MBOAT2: variants seen among roughly 807,000 people sequenced by gnomAD.
MBOAT2 encodes membrane bound glycerophospholipid O-acyltransferase 2.
A neutral mutation model predicts 63.4 loss-of-function variants in MBOAT2; 28 were observed. The observed-to-expected ratio is 0.44, with a 90% CI of 0.33 to 0.61. The LOEUF is 0.61. Among genes scored for constraint, MBOAT2 ranks in the 20% least tolerant of loss-of-function variants. The pLI is 0.03. For missense variants in MBOAT2, 470 were observed against 605.8 expected, an observed-to-expected ratio of 0.78 and a Z score of 2.35; for synonymous variants, 211 against 215.6, an observed-to-expected ratio of 0.98 and a Z score of 0.19.
chr2:8,858,590 T>C lies in MBOAT2; in HGVS notation c.*89A>G. ...GTCCATTTCCCCCCAGTTAACTGCTTTTCCAACAAACTCAAACCCCTTGAA... is the reference window on the plus strand; with the variant it reads ...GTCCATTTCCCCCCAGTTAACTGCTCTTCCAACAAACTCAAACCCCTTGAA... On this transcript the variant is annotated 3_prime_UTR_variant, in exon 13 of 13. Coordinates refer to ENST00000305997, the MANE Select transcript of MBOAT2 (RefSeq NM_138799.4). 1.0e-6 allele frequency: 1 copy of C among 985,612 alleles called. No homozygotes were observed. The highest frequency in any genetic ancestry group is 1.5e-6 in the Non-Finnish European group (1 of 663,810). The allele number at this position is 985,612 out of a possible 1,614,324, so 61.1% of individuals were successfully genotyped here. A position where few individuals can be genotyped will look rare whatever the true frequency, so the allele number is the denominator to read the frequency against.
intron 2 of MBOAT2, among the ~76,000 whole-genome samples, chr2:8,948,728 C>G (rs1335936893): frequency 6.6e-6 from 1 of 152,160 alleles, no homozygotes; most frequent in Non-Finnish European, 1.5e-5. Flanking sequence ...ACATTTTCTT[C>G]ATCCAGTCCA....
At chr2:8,936,786 C>CAAAAA (rs745694357) in intron 3 of MBOAT2, among the ~76,000 whole-genome samples, 128 of 50,832 alleles carry the variant, frequency 2.5e-3, no homozygotes, top group African/African-American at 5.0e-3. Flanking sequence ...GACTCCGTCT[C>CAAAAA]AAAAAAAAAA....
chr2:8,918,576 T>C (rs1029672053), intron 3 of MBOAT2, among the ~76,000 whole-genome samples: 3 of 152,164 alleles, frequency 2.0e-5, no homozygotes, highest in Non-Finnish European at 4.4e-5. Context: ...AAAGGCAGTA[T>C]CTATGGTGCA....
intron 2 of MBOAT2, among the ~76,000 whole-genome samples, chr2:8,955,561 C>T (rs754998589): frequency 2.0e-5 from 3 of 152,196 alleles, no homozygotes; most frequent in Non-Finnish European, 4.4e-5. Context: ...TCTTTATGTA[C>T]TATCGTGCTA....
rs372139585 is a variant in MBOAT2 at position 8,864,611 on chromosome 2, T to A, written c.988-377A>T. Among the ~76,000 whole-genome samples, 249 of 152,104 alleles carry A rather than the reference T, an allele frequency of 1.6e-3. 1 individual carries two copies. The highest frequency in any genetic ancestry group is 5.7e-3 in the African/African-American group (236 of 41,484). Reference sequence around the variant, plus strand: ...ACCTCCTTCCCGCCAAGCTCCGCCATGGTCCTGGGTGAAGCAGACATCCAC... The same window carrying A: ...ACCTCCTTCCCGCCAAGCTCCGCCAAGGTCCTGGGTGAAGCAGACATCCAC... On this transcript the variant is annotated intron_variant, in intron 9 of 12. Transcript: ENST00000305997.
chr2:8,864,393 C>A (rs558139162), intron 9 of MBOAT2, among the ~76,000 whole-genome samples, 159 bp from the exon 10 acceptor site: 1 of 151,972 alleles, frequency 6.6e-6, no homozygotes, highest in South Asian at 2.1e-4. Flanking sequence ...AATGTGGTAA[C>A]ATCATTCTAC....
chr2:8,900,062 G>A (rs1023930995), intron 4 of MBOAT2, among the ~76,000 whole-genome samples: 1 of 152,198 alleles, frequency 6.6e-6, no homozygotes, highest in Non-Finnish European at 1.5e-5. Flanking sequence ...AAGGAAGGCA[G>A]AAGGATTTTT....
At chr2:8,921,585 T>C (rs941148226) in intron 3 of MBOAT2, among the ~76,000 whole-genome samples, 7 of 152,234 alleles carry the variant, frequency 4.6e-5, no homozygotes, top group African/African-American at 7.2e-5. Context: ...AGGACTTCCT[T>C]TGGAATTTCT....
intron 4 of MBOAT2, among the ~76,000 whole-genome samples, chr2:8,897,977 T>C (rs868561822): frequency 3.3e-5 from 5 of 152,178 alleles, no homozygotes; most frequent in South Asian, 2.1e-4. Context: ...TGAGATCCTT[T>C]CCTTGTATTA....
At chr2:8,933,408 G>A (rs192163225) in intron 3 of MBOAT2, among the ~76,000 whole-genome samples, 1 of 152,276 alleles carries the variant, frequency 6.6e-6, no homozygotes, top group Non-Finnish European at 1.5e-5. Context: ...GAGTACAGTG[G>A]CACAATCACA....
intron 1 of MBOAT2, among the ~76,000 whole-genome samples, chr2:8,972,162 A>G (rs1433674478): frequency 6.6e-6 from 1 of 152,214 alleles, no homozygotes; most frequent in Non-Finnish European, 1.5e-5. Flanking sequence ...ACTGGTACCA[A>G]AACAGAGATA....
chr2:8,872,804 A>G (rs1345845400), intron 8 of MBOAT2, among the ~76,000 whole-genome samples: 2 of 152,254 alleles, frequency 1.3e-5, no homozygotes, highest in Non-Finnish European at 1.5e-5. Context: ...GAGGATAAGA[A>G]CTATGTCTTA....
rs139685147 is a variant in MBOAT2 at position 8,900,171 on chromosome 2, G to A, written c.395+8450C>T. On this transcript the variant is annotated intron_variant, in intron 4 of 12. Transcript: ENST00000305997. ...AGAACACAGGACAACAGATGTTTACGACTCCAGTCCCCATGATCTGAGTTG... is the reference window on the plus strand; with the variant it reads ...AGAACACAGGACAACAGATGTTTACAACTCCAGTCCCCATGATCTGAGTTG... Among the ~76,000 whole-genome samples the A allele has an allele frequency of 7.0e-4, 107 of 152,106 alleles. 2 individuals are homozygous for A. The East Asian group carries it at 0.02, about 28-fold the overall frequency.
intron 3 of MBOAT2, among the ~76,000 whole-genome samples, chr2:8,928,758 T>G (rs1396625720): frequency 1.3e-5 from 2 of 152,176 alleles, no homozygotes; most frequent in African/African-American, 4.8e-5. Flanking sequence ...CAACAGATCC[T>G]CAAATGTTTC....
At chr2:8,882,229 G>C (rs968698262) in intron 6 of MBOAT2, among the ~76,000 whole-genome samples, 5 of 152,194 alleles carry the variant, frequency 3.3e-5, no homozygotes, top group African/African-American at 1.2e-4. Context: ...TGTCTTCAAG[G>C]AACTCAGAGT....
intron 3 of MBOAT2, among the ~76,000 whole-genome samples, chr2:8,917,353 A>G (rs1025150591): frequency 1.3e-5 from 2 of 152,206 alleles, no homozygotes; most frequent in Non-Finnish European, 2.9e-5. Context: ...TAATTTATCT[A>G]TCTGACAAAG....
chr2:8,969,343 G>A (rs1041181246), intron 1 of MBOAT2, among the ~76,000 whole-genome samples: 8 of 152,128 alleles, frequency 5.3e-5, no homozygotes, highest in Non-Finnish European at 1.0e-4. Context: ...TCACTACCAG[G>A]CCTGCCCTAA....
intron 2 of MBOAT2, among the ~76,000 whole-genome samples, chr2:8,949,847 T>C (rs1668692848): frequency 6.6e-6 from 1 of 152,226 alleles, no homozygotes; most frequent in Admixed American, 6.5e-5. Context: ...ATATGAATTT[T>C]AGTATAGTTT....
At position 8,864,206 on chromosome 2, in the gene MBOAT2, T is replaced by C. The variant is rs1185719727; in HGVS notation, c.1016A>G (p.Asp339Gly). ...AAGAGCTGTCTGAATATTCCAATTA[T>C]CAAGAAACATCTTGAAACTTGTTGA... ...EMSTSFKMFLDNWNIQTALWL... is the reference protein window; with the variant it reads ...EMSTSFKMFLGNWNIQTALWL... Residue 339 changes from aspartate to glycine, a missense_variant, in exon 10 of 13, where the codon GAT becomes GGT. By Grantham distance (94) the Asp-to-Gly change is moderately conservative (BLOSUM62 -1). Transcript: ENST00000305997. 1 of 1,580,508 alleles carries C rather than the reference T, an allele frequency of 6.3e-7. No individual in the cohort carries two copies. The highest frequency in any genetic ancestry group is 8.6e-7 in the Non-Finnish European group (1 of 1,168,004).
Sources: allele counts gnomAD v4.1 joint callset (sites outside exome capture counted in the v4.1 genomes callset), GRCh38; gene constraint gnomAD v4.1.1; transcripts MANE v1.5; gene names NCBI Gene and HGNC (gene_info 2026-07-23, HGNC 2026-07-21).